Variants in CEP350 observed in about 807,000 individuals in gnomAD.
CEP350 encodes the protein centrosome-associated protein 350.
In CEP350, 126 loss-of-function variants were observed where a neutral mutation model predicts 331.8. The ratio of observed to expected loss-of-function variants is 0.38; its 90% confidence interval spans 0.33 to 0.44. The LOEUF is 0.44. Ranked by LOEUF, CEP350 falls within the 20% of genes least tolerant of loss-of-function variation. The pLI, the probability that CEP350 is intolerant of heterozygous loss-of-function variation, is 1.00. For synonymous variants in CEP350, 1,200 were observed against 1,259.5 expected, an observed-to-expected ratio of 0.95 and a Z score of 1.00; for missense variants, 3,406 against 3,634.6, an observed-to-expected ratio of 0.94 and a Z score of 1.62.
intron 1 of CEP350, 135 bp from the exon 2 acceptor site, chr1:179,986,034 G>A (rs1003082939): frequency 1.8e-5 from 12 of 651,628 alleles, no homozygotes; most frequent in Non-Finnish European, 3.0e-5. Flanking sequence ...TATTTTGTGT[G>A]TTTTTGATAG....
intron 6 of CEP350, among the ~76,000 whole-genome samples, chr1:180,000,047 A>G (rs1197818856): frequency 1.3e-5 from 2 of 152,196 alleles, no homozygotes; most frequent in Non-Finnish European, 2.9e-5. Flanking sequence ...TCATGGACAT[A>G]AGTAAGTGCA....
At chr1:179,969,352 T>G (rs995806174) in intron 1 of CEP350, 3 of 514,956 alleles carry the variant, frequency 5.8e-6, no homozygotes, top group Non-Finnish European at 3.9e-6. Context: ...AGTTTAACAC[T>G]ACTCAGCCTG....
At chr1:180,049,320 C>T (rs1327832036) in intron 22 of CEP350, among the ~76,000 whole-genome samples, 1 of 152,160 alleles carries the variant, frequency 6.6e-6, no homozygotes, top group Non-Finnish European at 1.5e-5. Flanking sequence ...TGCCATATCT[C>T]AAGTCTTTAC....
chr1:180,068,551 G>A lies in CEP350; in HGVS notation c.5567+3279G>A, dbSNP rs552320757. ...GTGGATTGCCTATAAACATGAAACAGATATTCATGAAAAAACACCATGCAA... is the reference window on the plus strand; with the variant it reads ...GTGGATTGCCTATAAACATGAAACAAATATTCATGAAAAAACACCATGCAA... On this transcript the variant is annotated intron_variant, in intron 27 of 37. Coordinates refer to ENST00000367607, the MANE Select transcript of CEP350 (RefSeq NM_014810.5). Among the ~76,000 whole-genome samples, 41 of 152,218 alleles carry A rather than the reference G, an allele frequency of 2.7e-4. No homozygotes were observed. In the Middle Eastern group the frequency reaches 0.017, roughly 63 times the overall value.
In CEP350 at chr1:179,996,879, A is replaced by G. The variant is rs1389773510; in HGVS notation, c.722A>G (p.Asn241Ser). The G allele has an allele frequency of 9.9e-6, 16 of 1,613,916 alleles. No homozygotes were observed. Among genetic ancestry groups the G allele is most frequent in the Non-Finnish European group, 1.4e-5 (16 of 1,179,890 alleles). ...GSENNLKLSV[N>S]NMAHDTDPKA... The stretch of plus-strand genomic sequence containing the variant: ...GAGAATAATTTGAAGCTTTCTGTGA[A>G]TAACATGGCCCATGATACTGATCCA... Residue 241 changes from asparagine (N) to serine (S), a missense_variant, in exon 6 of 38, where the codon AAT becomes AGT. Around this residue, in one of 5 missense-constraint regions of CEP350, gnomAD observed 1,857 missense variants for 1,909.2 expected, o/e 0.97. Coordinates refer to ENST00000367607, the MANE Select transcript of CEP350 (RefSeq NM_014810.5).
intron 22 of CEP350, among the ~76,000 whole-genome samples, chr1:180,051,756 G>A (rs1351553003): frequency 2.0e-5 from 3 of 152,182 alleles, no homozygotes; most frequent in Non-Finnish European, 4.4e-5. Context: ...ATCTAAGTAA[G>A]TAACTTTGGA....
intron 1 of CEP350, among the ~76,000 whole-genome samples, chr1:179,984,019 G>C (rs971364840): frequency 5.9e-5 from 9 of 152,164 alleles, no homozygotes; most frequent in Non-Finnish European, 8.8e-5. Context: ...TATGAAACAG[G>C]TAGGCCCTTC....
At chr1:180,064,970 GAT>G in intron 26 of CEP350, 143 bp from the exon 27 acceptor site, 1 of 748,652 alleles carries the variant, frequency 1.3e-6, no homozygotes, top group Non-Finnish European at 1.9e-6. Flanking sequence ...TTAAGTGTGT[GAT>G]ATATTTTGTC....
chr1:180,063,997 C>T (rs925117012), intron 26 of CEP350, among the ~76,000 whole-genome samples: 4 of 152,024 alleles, frequency 2.6e-5, no homozygotes, highest in Non-Finnish European at 5.9e-5. Context: ...AGTAAGTTGC[C>T]AACAAATTAA....
chr1:180,011,171 G>A lies in CEP350; in HGVS notation c.1247-758G>A, dbSNP rs538204156. 5.9e-5 allele frequency among the ~76,000 whole-genome samples: 9 copies of A among 152,026 alleles called. No individual in the cohort carries two copies. In the South Asian group the frequency reaches 8.3e-4, roughly 14 times the overall value. On this transcript the variant is annotated intron_variant, in intron 8 of 37. Coordinates refer to ENST00000367607, the MANE Select transcript of CEP350 (RefSeq NM_014810.5). ...TTTAAAATGATTATACTTTTTAAAT[G>A]TTACTGTTTTGTACATAGAAAAGTA...
intron 6 of CEP350, chr1:180,000,460 CT>C (rs1172743451): frequency 1.3e-5 from 2 of 154,066 alleles, no homozygotes; most frequent in African/African-American, 4.8e-5. Flanking sequence ...GTCCCTCTGA[CT>C]TTCTTCATTC....
In CEP350 at chr1:180,094,068, T is replaced by C; in HGVS notation, c.7963T>C (p.Ser2655Pro). 1 of 1,613,918 alleles carries C rather than the reference T, an allele frequency of 6.2e-7. No homozygotes were observed. Among genetic ancestry groups the C allele is most frequent in the Non-Finnish European group, 8.5e-7 (1 of 1,179,864 alleles). The change falls in exon 34 of 38, where the codon TCT becomes CCT. Residue 2655 changes from serine to proline, a missense_variant. Coordinates refer to ENST00000367607, the MANE Select transcript of CEP350 (RefSeq NM_014810.5). Reference protein sequence around the residue: ...GVLEAHVHQQSSVDSQISSKE... With the variant: ...GVLEAHVHQQPSVDSQISSKE... ...ACTTGAAGCCCATGTTCACCAGCAG[T>C]CTTCAGTGGATTCACAGATTTCTTC... is the stretch of plus-strand genomic sequence containing the variant.
intron 1 of CEP350, among the ~76,000 whole-genome samples, chr1:179,972,080 G>T (rs551093509): frequency 2.6e-5 from 4 of 152,096 alleles, no homozygotes; most frequent in Non-Finnish European, 5.9e-5. Context: ...GGAATACCTC[G>T]TTTGTTTTTT....
intron 27 of CEP350, 106 bp from the exon 28 acceptor site, chr1:180,074,916 C>A: frequency 2.1e-6 from 2 of 933,444 alleles, no homozygotes; most frequent in Non-Finnish European, 3.1e-6. Flanking sequence ...TATGAATGTT[C>A]TGCTTTTGCA....
intron 1 of CEP350, among the ~76,000 whole-genome samples, chr1:179,979,774 A>C (rs1311614927): frequency 6.6e-6 from 1 of 152,060 alleles, no homozygotes; most frequent in African/African-American, 2.4e-5. Flanking sequence ...ATGGAGATTC[A>C]GTTTTCCCAG....
Position 180,043,094 on chromosome 1 carries a change from CG to C in CEP350, c.4402del (p.Val1468TrpfsTer22). On this transcript the variant is annotated frameshift_variant, in exon 20 of 38. Transcript: ENST00000367607. LOFTEE classifies it high-confidence loss of function. ...CTAGAACTCATATCTCAGATGCTGT[CG>C]TGGCTTCAGGAGCTCCCCTTGCAAT... ...LTRTHISDAV[V>X]ASGAPLAILY... is the part of the protein sequence containing the mutation. 1 of 1,613,652 alleles carries C rather than the reference CG, an allele frequency of 6.2e-7. No individual in the cohort carries two copies.
At chr1:179,956,559 C>T (rs1430908914) in intron 1 of CEP350, among the ~76,000 whole-genome samples, 1 of 152,074 alleles carries the variant, frequency 6.6e-6, no homozygotes, top group Non-Finnish European at 1.5e-5. Flanking sequence ...GGATTTTTTC[C>T]TTCTGCTTCT....
Position 179,954,983 on chromosome 1 carries a change from C to G in CEP350, c.-173C>G. 1 of 1,235,212 alleles carries G rather than the reference C, an allele frequency of 8.1e-7. No homozygotes were observed. Among genetic ancestry groups the G allele is most frequent in the Non-Finnish European group, 1.0e-6 (1 of 964,746 alleles). 76.5% of individuals were successfully genotyped at this position (1,235,212 alleles called of 1,614,324 possible). A position where few individuals can be genotyped will look rare whatever the true frequency, so the allele number is the denominator to read the frequency against. ...CTTGTCTTCCTTCCCAGCGGACCGG[C>G]GGATCCCCGGAGCCGGTGCGAGGAG... is the stretch of plus-strand genomic sequence containing the variant. On this transcript the variant is annotated 5_prime_UTR_variant, in exon 1 of 38. Transcript: ENST00000367607.
chr1:180,096,552 G>A (rs1660490524), intron 36 of CEP350, among the ~76,000 whole-genome samples: 1 of 152,136 alleles, frequency 6.6e-6, no homozygotes, highest in Non-Finnish European at 1.5e-5. Context: ...TAGGTATAAT[G>A]TTCTAAAAGT....
Sources: gnomAD v4.1 joint callset for allele counts (sites outside exome capture counted in the v4.1 genomes callset) on GRCh38, gnomAD v4.1.1 for gene constraint, gnomAD v4.1.1 regional missense constraint, MANE v1.5 for transcripts, NCBI Gene and HGNC (gene_info 2026-07-23, HGNC 2026-07-21) for gene names.